Variants in GABRA3 observed in about 807,000 individuals in gnomAD.
The protein encoded by GABRA3 is gamma-aminobutyric acid receptor subunit alpha-3.
GABRA3 carries 10 observed loss-of-function variants against 30.1 expected under a neutral mutation model. That is an observed-to-expected ratio of 0.33 (90% CI 0.20 to 0.56). GABRA3 has a LOEUF of 0.56. Ranked by LOEUF, GABRA3 falls within the 20% of genes least tolerant of loss-of-function variation. The pLI is 0.89. For synonymous variants in GABRA3, 151 were observed against 146.8 expected (o/e 1.03, Z -0.21); for missense variants, 233 against 392.0 (o/e 0.59, Z 3.42).
chrX:152,307,145 T>A (rs1199556018), intron 3 of GABRA3, among the ~76,000 whole-genome samples: 1 of 111,531 alleles, frequency 9.0e-6, no homozygotes, highest in African/African-American at 3.3e-5. Flanking sequence ...CTCTTAATCA[T>A]TTTAGTCTTA....
At chrX:152,276,788 TAAAAGTTTCAAAACAC>T (rs1386832871) in intron 4 of GABRA3, among the ~76,000 whole-genome samples, 2 of 106,396 alleles carry the variant, frequency 1.9e-5, no homozygotes, top group South Asian at 8.0e-4. Flanking sequence ...GAGTTTTATA[TAAAAGTTTCAAAACAC>T]AAAAGCCACT....
At chrX:152,371,295 C>G (rs762241494) in intron 1 of GABRA3, among the ~76,000 whole-genome samples, 1 of 111,635 alleles carries the variant, frequency 9.0e-6, no homozygotes, top group African/African-American at 3.2e-5. Context: ...CTGCAAATAG[C>G]TTTGCTTCTT....
intron 3 of GABRA3, among the ~76,000 whole-genome samples, chrX:152,290,906 G>T (rs2124443791): frequency 8.9e-6 from 1 of 111,801 alleles, no homozygotes; most frequent in Non-Finnish European, 1.9e-5. Context: ...ATGCTGTTTT[G>T]GTTACTATAG....
chrX:152,377,621 A>G (rs1393974836), intron 1 of GABRA3, among the ~76,000 whole-genome samples: 2 of 109,763 alleles, frequency 1.8e-5, no homozygotes, highest in Non-Finnish European at 3.8e-5. Flanking sequence ...AATAAGAGAG[A>G]AAAAAAAACA....
chrX:152,269,555 G>A (rs1227174208), intron 4 of GABRA3, among the ~76,000 whole-genome samples: 1 of 111,965 alleles, frequency 8.9e-6, no homozygotes, highest in Non-Finnish European at 1.9e-5. Context: ...AAAGAACAAA[G>A]CCTGAGGCAT....
chrX:152,386,709 C>T (rs1406884186), intron 1 of GABRA3, among the ~76,000 whole-genome samples: 33 of 109,700 alleles, frequency 3.0e-4, no homozygotes, highest in African/African-American at 8.9e-4. Context: ...GGACTGTAAA[C>T]TAGTTCAACC....
intron 9 of GABRA3, among the ~76,000 whole-genome samples, chrX:152,186,599 A>ATCTCTCTCTC (rs765821292): frequency 2.6e-4 from 25 of 96,337 alleles, no homozygotes; most frequent in African/African-American, 8.4e-4. Flanking sequence ...TCCTTCCTTT[A>ATCTCTCTCTC]TCTCTCTCTC....
At chrX:152,277,068 T>C (rs1939099598) in intron 4 of GABRA3, among the ~76,000 whole-genome samples, 2 of 111,805 alleles carry the variant, frequency 1.8e-5, no homozygotes, top group South Asian at 7.4e-4. Flanking sequence ...ATATCTATTT[T>C]TTCTCTACAC....
chrX:152,301,327 T>C (rs913793506), intron 3 of GABRA3, among the ~76,000 whole-genome samples: 2 of 111,805 alleles, frequency 1.8e-5, no homozygotes, highest in Non-Finnish European at 3.8e-5. Context: ...CTAAGATAAT[T>C]TGTCTCCAGC....
rs961571323 is a variant in GABRA3, at chrX:152,374,783, A to C, written c.-26-10187T>G. ...TTTTATAGTTTTTGGTTTTACATTT[A>C]AGTCTTTTATCCATCTTGAGTTAAT... On this transcript the variant is annotated intron_variant, in intron 1 of 9. Transcript: ENST00000370314. Among the ~76,000 whole-genome samples, 32 of 112,060 alleles carry C rather than the reference A, an allele frequency of 2.9e-4. 2 individuals are homozygous for C. The highest frequency in any genetic ancestry group is 2.8e-3 in the Admixed American group (30 of 10,557).
intron 3 of GABRA3, among the ~76,000 whole-genome samples, chrX:152,319,061 T>C (rs1027094411): frequency 1.8e-5 from 2 of 111,363 alleles, no homozygotes; most frequent in Non-Finnish European, 3.8e-5. Flanking sequence ...TTTGCTAATA[T>C]GATCATATGC....
At chrX:152,434,689 A>G (rs149493651) in intron 1 of GABRA3, among the ~76,000 whole-genome samples, 65 of 112,444 alleles carry the variant, frequency 5.8e-4, no homozygotes, top group African/African-American at 1.7e-3. Flanking sequence ...ATAATACATC[A>G]TGACCAAATA....
chrX:152,226,750 G>A lies in GABRA3; in HGVS notation c.552-1905C>T, dbSNP rs1331128595. 2.7e-5 allele frequency among the ~76,000 whole-genome samples: 3 copies of A among 111,919 alleles called. No individual in the cohort carries two copies. The East Asian group carries it at 8.5e-4, about 32-fold the overall frequency. On this transcript the variant is annotated intron_variant, in intron 5 of 9. Coordinates refer to ENST00000370314, the MANE Select transcript of GABRA3 (RefSeq NM_000808.4). ...TATGAACAGACACTTCTCAAAAGAAGACATTTATGCAGCCAAAAAACACAT... is the reference window on the plus strand; with the variant it reads ...TATGAACAGACACTTCTCAAAAGAAAACATTTATGCAGCCAAAAAACACAT...
chrX:152,281,315 G>A (rs904707318), intron 4 of GABRA3, among the ~76,000 whole-genome samples: 2 of 111,307 alleles, frequency 1.8e-5, no homozygotes, highest in African/African-American at 6.5e-5. Flanking sequence ...AATTATAGAA[G>A]GTTGCATGGC....
chrX:152,275,214 TTATA>T (rs756783169), intron 4 of GABRA3, among the ~76,000 whole-genome samples: 1 of 54,734 alleles, frequency 1.8e-5, no homozygotes, highest in African/African-American at 1.0e-4. Context: ...ATATATAATA[TTATA>T]TATATATAAT....
chrX:152,242,543 T>C (rs1938398207), intron 5 of GABRA3, among the ~76,000 whole-genome samples: 1 of 111,833 alleles, frequency 8.9e-6, no homozygotes, highest in African/African-American at 3.2e-5. Context: ...TCAAAATACA[T>C]AAGGAACTCA....
At chrX:152,231,352 T>C (rs745949595) in intron 5 of GABRA3, among the ~76,000 whole-genome samples, 2 of 109,777 alleles carry the variant, frequency 1.8e-5, no homozygotes, top group East Asian at 2.9e-4. Context: ...CGTGTGTATA[T>C]ACGTGTATAT....
At chrX:152,385,904 G>C (rs1435253564) in intron 1 of GABRA3, among the ~76,000 whole-genome samples, 66 of 110,918 alleles carry the variant, frequency 6.0e-4, no homozygotes, top group Non-Finnish European at 1.0e-3. Context: ...GATAGTTGTA[G>C]ATATGCGGCG....
chrX:152,256,051 C>T, intron 4 of GABRA3, 53 bp from the exon 5 acceptor site: 4 of 905,734 alleles, frequency 4.4e-6, no homozygotes, highest in Non-Finnish European at 6.4e-6. Flanking sequence ...GGTAAGGGCT[C>T]ATAGTGCCCT....
Sources: gnomAD v4.1 joint callset for allele counts (sites outside exome capture counted in the v4.1 genomes callset) on GRCh38, gnomAD v4.1.1 for gene constraint, MANE v1.5 for transcripts, NCBI Gene and HGNC (gene_info 2026-07-23, HGNC 2026-07-21) for gene names.